The following PPP3CA variants were observed in gnomAD, a reference collection of about 807,000 sequenced individuals.
PPP3CA encodes protein phosphatase 3 catalytic subunit alpha.
Under a neutral mutation model 66.5 loss-of-function variants are expected in PPP3CA, and 14 were observed. The ratio of observed to expected loss-of-function variants is 0.21; its 90% CI spans 0.14 to 0.33. The LOEUF (loss-of-function observed/expected upper bound fraction) is 0.33. Ranked by LOEUF, PPP3CA falls within the 10% of genes least tolerant of loss-of-function variation. PPP3CA has a pLI of 1.00. For missense variants in PPP3CA, 317 were observed against 639.5 expected (o/e 0.50, Z 5.44); for synonymous variants, 232 against 226.2 (o/e 1.03, Z -0.23).
Position 101,109,107 on chromosome 4 carries a change from C to G in PPP3CA, c.260-29G>C, listed in dbSNP as rs372606332. On this transcript the variant is annotated intron_variant, in intron 2 of 13. Transcript: ENST00000394854. ...AAAGAAACAAAATTCATTTTATGGT[C>G]ATATTATGTTAGGACTTTGAATTAA... The G allele has an allele frequency of 2.7e-5, 43 of 1,603,204 alleles. No homozygotes were observed. The African/African-American group carries it at 5.5e-4, about 21-fold the overall frequency.
intron 1 of PPP3CA, among the ~76,000 whole-genome samples, chr4:101,319,143 G>C (rs150127355): frequency 1.4e-5 from 2 of 147,982 alleles, no homozygotes; most frequent in Non-Finnish European, 3.0e-5. Context: ...GCTCTTAAAC[G>C]TGAAGAATTC....
intron 1 of PPP3CA, among the ~76,000 whole-genome samples, chr4:101,275,441 T>TTA (rs1398949206): frequency 6.6e-6 from 1 of 152,188 alleles, no homozygotes; most frequent in Non-Finnish European, 1.5e-5. Context: ...TGCCAGTATA[T>TTA]TATAACCTTG....
intron 1 of PPP3CA, among the ~76,000 whole-genome samples, chr4:101,245,984 G>C (rs1726464126): frequency 6.6e-6 from 1 of 151,740 alleles, no homozygotes; most frequent in African/African-American, 2.4e-5. Context: ...TGCTCATGTT[G>C]TCTCTCCACC....
intron 1 of PPP3CA, among the ~76,000 whole-genome samples, chr4:101,256,755 G>C (rs1726855998): frequency 6.6e-6 from 1 of 152,034 alleles, no homozygotes; most frequent in African/African-American, 2.4e-5. Flanking sequence ...GCACTGTAAT[G>C]TTAGGGTTGT....
intron 1 of PPP3CA, among the ~76,000 whole-genome samples, chr4:101,215,210 T>C (rs1194571698): frequency 6.6e-6 from 1 of 151,896 alleles, no homozygotes; most frequent in Non-Finnish European, 1.5e-5. Context: ...TTACCAAATG[T>C]AGTATGTGCG....
At chr4:101,072,593 T>C (rs55792312) in intron 8 of PPP3CA, among the ~76,000 whole-genome samples, 28,304 of 152,132 alleles carry the variant, frequency 0.19, 2,845 homozygotes, top group Middle Eastern at 0.31. Context: ...GAGCAGTGTC[T>C]GGCACATAAT....
intron 2 of PPP3CA, among the ~76,000 whole-genome samples, chr4:101,137,314 T>C (rs1158393266): frequency 1.3e-5 from 2 of 152,026 alleles, no homozygotes; most frequent in African/African-American, 4.8e-5. Context: ...AAAGGCAAGA[T>C]GGGGGGAGTA....
chr4:101,112,036 C>T (rs1174711543), intron 2 of PPP3CA, among the ~76,000 whole-genome samples: 2 of 151,984 alleles, frequency 1.3e-5, no homozygotes, highest in Non-Finnish European at 2.9e-5. Flanking sequence ...TAATTCCTGG[C>T]CATGTCTGAA....
At chr4:101,057,146 C>G (rs1370213943) in intron 10 of PPP3CA, among the ~76,000 whole-genome samples, 2 of 151,978 alleles carry the variant, frequency 1.3e-5, no homozygotes, top group African/African-American at 4.8e-5. Flanking sequence ...CCTCTGTCTC[C>G]CGGGTTCAAG....
intron 1 of PPP3CA, among the ~76,000 whole-genome samples, chr4:101,339,201 T>A (rs1729730482): frequency 6.6e-6 from 1 of 152,242 alleles, no homozygotes; most frequent in South Asian, 2.1e-4. Flanking sequence ...TATATTGAGA[T>A]GTAAACAGGG....
chr4:101,253,319 GT>G (rs145177405), intron 1 of PPP3CA, among the ~76,000 whole-genome samples: 2 of 152,228 alleles, frequency 1.3e-5, no homozygotes, highest in Non-Finnish European at 2.9e-5. Context: ...GATGGTGAAT[GT>G]TAACTTGGCA....
At chr4:101,225,543 A>G (rs1725754321) in intron 1 of PPP3CA, among the ~76,000 whole-genome samples, 2 of 151,814 alleles carry the variant, frequency 1.3e-5, no homozygotes, top group Admixed American at 1.3e-4. Flanking sequence ...ATACACAGTT[A>G]TTTGGATTTT....
At chr4:101,224,273 G>C (rs535267339) in intron 1 of PPP3CA, among the ~76,000 whole-genome samples, 1 of 151,836 alleles carries the variant, frequency 6.6e-6, no homozygotes, top group South Asian at 2.1e-4. Context: ...TTTTTTAAAG[G>C]ATTCCTAAGC....
At chr4:101,245,265 A>G (rs147246953) in intron 1 of PPP3CA, among the ~76,000 whole-genome samples, 141 of 152,288 alleles carry the variant, frequency 9.3e-4, no homozygotes, top group South Asian at 8.1e-3. Flanking sequence ...TCTTCTCCCA[A>G]AGAGCACTAG....
chr4:101,040,520 T>A lies in PPP3CA; in HGVS notation c.1203A>T (p.Arg401=), dbSNP rs2110210917. 1 of 1,613,724 alleles carries A rather than the reference T, an allele frequency of 6.2e-7. No homozygotes were observed. The highest frequency in any genetic ancestry group is 1.1e-5 in the South Asian group (1 of 91,040). The part of the protein sequence containing the change: ...ARKEVIRNKI[R]AIGKMARVFS... ...ACACTCTGGCCATTTTGCCTATTGC[T>A]CGGATCTTGTTCCTTATCACCTCTT... is the stretch of plus-strand genomic sequence containing the variant. The change falls in exon 11 of 14, where the codon CGA becomes CGT. Residue 401 remains arginine (R), a synonymous_variant. Coordinates refer to ENST00000394854, the MANE Select transcript of PPP3CA (RefSeq NM_000944.5).
chr4:101,079,654 G>A (rs1442962128), intron 8 of PPP3CA, among the ~76,000 whole-genome samples: 1 of 152,120 alleles, frequency 6.6e-6, no homozygotes, highest in Non-Finnish European at 1.5e-5. Context: ...GCCACACTCG[G>A]ACATGCTGCC....
In PPP3CA at chr4:101,135,506, CA is replaced by C. The variant is rs1398125436; in HGVS notation, c.260-26429del. Among the ~76,000 whole-genome samples, 3 of 152,104 alleles carry C rather than the reference CA, an allele frequency of 2.0e-5. No homozygotes were observed. The East Asian group carries it at 5.8e-4, about 29-fold the overall frequency. On this transcript the variant is annotated intron_variant, in intron 2 of 13. Transcript: ENST00000394854. ...AACGGAGGCTACCTGGTCTAAAAAA[CA>C]GAATCAATGGCAGCATGATACCTGT...
chr4:101,116,227 G>A (rs1256270518), intron 2 of PPP3CA, among the ~76,000 whole-genome samples: 2 of 151,708 alleles, frequency 1.3e-5, no homozygotes, highest in African/African-American at 2.4e-5. Flanking sequence ...TTACTGAATC[G>A]TTTAGCAATT....
chr4:101,260,517 T>C (rs1216581485), intron 1 of PPP3CA, among the ~76,000 whole-genome samples: 2 of 152,160 alleles, frequency 1.3e-5, no homozygotes, highest in Non-Finnish European at 1.5e-5. Context: ...AAGATCTCTA[T>C]GGAATGACAA....
Sources: allele counts gnomAD v4.1 joint callset (sites outside exome capture counted in the v4.1 genomes callset), GRCh38; gene constraint gnomAD v4.1.1; transcripts MANE v1.5; gene names NCBI Gene and HGNC (gene_info 2026-07-23, HGNC 2026-07-21).